Variants in ARGFX observed in about 807,000 individuals in gnomAD.
The protein encoded by ARGFX is arginine-fifty homeobox.
ARGFX carries 10 observed loss-of-function variants against 8.0 expected under a neutral mutation model. The observed-to-expected ratio is 1.25, with a 90% CI of 0.77 to 2.12. The LOEUF (loss-of-function observed/expected upper bound fraction) is 2.12, where lower values mean the gene tolerates loss of function less well. ARGFX is among the 30% of genes most tolerant of loss of function. The pLI is 0.00. For synonymous variants in ARGFX, 116 were observed against 117.8 expected, an observed-to-expected ratio of 0.98 and a Z score of 0.10; for missense variants, 282 against 324.3, an observed-to-expected ratio of 0.87 and a Z score of 1.00.
chr3:121,571,080 C>G (rs2048705458), intron 2 of ARGFX, among the ~76,000 whole-genome samples: 1 of 152,106 alleles, frequency 6.6e-6, no homozygotes, highest in Non-Finnish European at 1.5e-5. Context: ...AGATCTGAAA[C>G]ATAGACAGAT....
intron 3 of ARGFX, among the ~76,000 whole-genome samples, chr3:121,581,745 C>T (rs1308003933): frequency 6.6e-6 from 1 of 151,976 alleles, no homozygotes. Flanking sequence ...TACACACACA[C>T]ACACAAAAAT....
At chr3:121,582,081 A>G (rs1056178423) in intron 3 of ARGFX, among the ~76,000 whole-genome samples, 1 of 152,278 alleles carries the variant, frequency 6.6e-6, no homozygotes, top group African/African-American at 2.4e-5. Context: ...AAATAAATGA[A>G]TAAATCAAGT....
chr3:121,583,589 A>G (rs1158631891), intron 3 of ARGFX, among the ~76,000 whole-genome samples: 2 of 151,784 alleles, frequency 1.3e-5, no homozygotes, highest in Non-Finnish European at 1.5e-5. Flanking sequence ...TTATGCGGTG[A>G]CAATCATGGT....
intron 3 of ARGFX, among the ~76,000 whole-genome samples, chr3:121,583,999 ACC>A (rs2048795576): frequency 6.6e-6 from 1 of 152,054 alleles, no homozygotes; most frequent in South Asian, 2.1e-4. Context: ...ATGTAAGGAA[ACC>A]CCATCTCTGT....
chr3:121,572,106 A>G (rs1477236880), intron 2 of ARGFX, among the ~76,000 whole-genome samples: 1 of 151,922 alleles, frequency 6.6e-6, no homozygotes, highest in African/African-American at 2.4e-5. Flanking sequence ...TACTGGGATT[A>G]TAGGCGTGAG....
intron 2 of ARGFX, among the ~76,000 whole-genome samples, chr3:121,572,031 G>A (rs2048711967): frequency 6.6e-6 from 1 of 151,148 alleles, no homozygotes; most frequent in Non-Finnish European, 1.5e-5. Context: ...GGGTTTCACC[G>A]TGTTAGCCAG....
rs756055040 is a variant in ARGFX at position 121,586,174 on chromosome 3, T to C, written c.522T>C (p.Asp174=). Residue 174 remains aspartate, a synonymous_variant, in exon 5 of 5, where the codon GAT becomes GAC. Transcript: ENST00000334384. ...SPYAFSPVIS[D]FYSSLPSQPL... ...ATGCTTTTTCTCCTGTGATTTCAGATTTCTACAGCTCCCTTCCATCTCAGC... is the reference window on the plus strand; with the variant it reads ...ATGCTTTTTCTCCTGTGATTTCAGACTTCTACAGCTCCCTTCCATCTCAGC... The C allele has an allele frequency of 6.2e-7, 1 of 1,614,096 alleles. No individual in the cohort carries two copies. The highest frequency in any genetic ancestry group is 8.5e-7 in the Non-Finnish European group (1 of 1,180,004).
intron 2 of ARGFX, 66 bp from the exon 3 acceptor site, chr3:121,576,715 CTTT>C (rs2048739412): frequency 7.2e-6 from 1 of 138,884 alleles, no homozygotes; most frequent in Non-Finnish European, 1.7e-5. Context: ...CTTTTTCTTT[CTTT>C]CTTTCTTTCT....
intron 2 of ARGFX, among the ~76,000 whole-genome samples, chr3:121,573,848 CAAAAAAAA>C (rs35593006): frequency 1.0e-4 from 6 of 59,032 alleles, no homozygotes; most frequent in African/African-American, 1.4e-4. Context: ...AACTCCATCT[CAAAAAAAA>C]AAAAAAAAAA....
chr3:121,581,164 C>T (rs1457970077), intron 3 of ARGFX, among the ~76,000 whole-genome samples: 2 of 151,986 alleles, frequency 1.3e-5, no homozygotes, highest in Non-Finnish European at 2.9e-5. Context: ...GATGGGGTTT[C>T]GCCATGTTGG....
rs1576446981 is a variant in ARGFX at position 121,590,087 on chromosome 3, T to A, written c.*3487T>A. Among the ~76,000 whole-genome samples, 1 of 152,208 alleles carries A rather than the reference T, an allele frequency of 6.6e-6. No homozygotes were observed. Among genetic ancestry groups the A allele is most frequent in the South Asian group, 2.1e-4 (1 of 4,834 alleles). ...CTAGAATCAGAAACAAAAGTCAAGA[T>A]TTTATTACCAAACTTATAGAAATAA... On this transcript the variant is annotated 3_prime_UTR_variant, in exon 5 of 5. Transcript: ENST00000334384.
At chr3:121,574,487 C>G (rs1053037363) in intron 2 of ARGFX, among the ~76,000 whole-genome samples, 2 of 152,184 alleles carry the variant, frequency 1.3e-5, no homozygotes, top group African/African-American at 2.4e-5. Context: ...GACAGATCAC[C>G]AGGCATTAGA....
chr3:121,569,858 A>G (rs2048697189), intron 1 of ARGFX, among the ~76,000 whole-genome samples: 1 of 152,224 alleles, frequency 6.6e-6, no homozygotes, highest in African/African-American at 2.4e-5. Flanking sequence ...TACATTTGTT[A>G]TAGAATAAGA....
In ARGFX at chr3:121,589,860, T is replaced by C. The variant is rs945153833; in HGVS notation, c.*3260T>C. Among the ~76,000 whole-genome samples the C allele has an allele frequency of 1.3e-5, 2 of 152,110 alleles. No homozygotes were observed. Among genetic ancestry groups the C allele is most frequent in the African/African-American group, 4.8e-5 (2 of 41,432 alleles). On this transcript the variant is annotated 3_prime_UTR_variant, in exon 5 of 5. Transcript: ENST00000334384. ...TAATATATAGTCATAATGTGGTATATTCATAGAACATTCTCAATAATTGAT... is the reference window on the plus strand; with the variant it reads ...TAATATATAGTCATAATGTGGTATACTCATAGAACATTCTCAATAATTGAT...
intron 3 of ARGFX, among the ~76,000 whole-genome samples, chr3:121,580,526 C>G (rs2048771660): frequency 1.3e-5 from 2 of 150,688 alleles, no homozygotes; most frequent in African/African-American, 4.9e-5. Flanking sequence ...GTAGTCTACT[C>G]TCTATATATT....
intron 1 of ARGFX, among the ~76,000 whole-genome samples, chr3:121,568,581 T>A (rs1293679826): frequency 3.3e-5 from 5 of 152,228 alleles, no homozygotes; most frequent in Non-Finnish European, 7.3e-5. Context: ...GGCCAGGGTT[T>A]AGACTGTGTG....
intron 3 of ARGFX, among the ~76,000 whole-genome samples, chr3:121,578,703 C>A (rs1490605939): frequency 6.8e-6 from 1 of 147,346 alleles, no homozygotes; most frequent in Non-Finnish European, 1.5e-5. Context: ...CAGAGTCTCG[C>A]TCTGTTGCCC....
intron 3 of ARGFX, among the ~76,000 whole-genome samples, chr3:121,579,892 C>T (rs970785461): frequency 3.3e-5 from 5 of 150,700 alleles, no homozygotes; most frequent in African/African-American, 1.2e-4. Flanking sequence ...CCTGGCCTTC[C>T]AAAATCAAAT....
In ARGFX at chr3:121,581,532, G is replaced by A. The variant is rs142402687; in HGVS notation, c.221-3385G>A. 7.2e-3 allele frequency among the ~76,000 whole-genome samples: 1,103 copies of A among 152,158 alleles called. 15 individuals are homozygous for A. Among genetic ancestry groups the A allele is most frequent in the African/African-American group, 0.025 (1,040 of 41,470 alleles). On this transcript the variant is annotated intron_variant, in intron 3 of 4. Transcript: ENST00000334384. Reference sequence around the variant, plus strand: ...AAATCACAGTTGAAAAAAGGTTGACGAACCCAAGTTGTTCCAAGCATACTA... The same window carrying A: ...AAATCACAGTTGAAAAAAGGTTGACAAACCCAAGTTGTTCCAAGCATACTA...
Sources: allele counts gnomAD v4.1 joint callset (sites outside exome capture counted in the v4.1 genomes callset), GRCh38; gene constraint gnomAD v4.1.1; transcripts MANE v1.5; gene names NCBI Gene and HGNC (gene_info 2026-07-23, HGNC 2026-07-21).